Variants in TNS3 observed in about 807,000 individuals in gnomAD.
The protein encoded by TNS3 is tensin 3.
TNS3 carries 45 observed loss-of-function variants against 140.9 expected under a neutral mutation model. The ratio of observed to expected loss-of-function variants is 0.32; its 90% CI spans 0.25 to 0.41. The LOEUF (loss-of-function observed/expected upper bound fraction) is 0.41. Ranked by LOEUF, TNS3 falls within the 10% of genes least tolerant of loss-of-function variation. The pLI is 1.00. For missense variants in TNS3, 1,716 were observed against 1,906.7 expected, an observed-to-expected ratio of 0.90 and a Z score of 1.86; for synonymous variants, 815 against 788.4, an observed-to-expected ratio of 1.03 and a Z score of -0.56.
chr7:47,346,472 C>G, intron 17 of TNS3, 116 bp from the exon 18 acceptor site: 1 of 1,264,406 alleles, frequency 7.9e-7, no homozygotes, highest in South Asian at 1.4e-5. Context: ...ATCCTGGTCA[C>G]CACTGCTCTG....
At chr7:47,531,900 AGCTGCAGCCACCATCCACG>A (rs1353084566) in intron 1 of TNS3, among the ~76,000 whole-genome samples, 1 of 152,164 alleles carries the variant, frequency 6.6e-6, no homozygotes, top group African/African-American at 2.4e-5. Flanking sequence ...CCCGGGGTGC[AGCTGCAGCCACCATCCACG>A]GCTGCAGACC....
chr7:47,426,110 G>A (rs1337607216), intron 9 of TNS3, among the ~76,000 whole-genome samples: 1 of 151,886 alleles, frequency 6.6e-6, no homozygotes, highest in South Asian at 2.1e-4. Flanking sequence ...GTGAAACCAC[G>A]TCTCTACTAA....
At chr7:47,484,921 C>T (rs1230673016) in intron 3 of TNS3, among the ~76,000 whole-genome samples, 1 of 152,204 alleles carries the variant, frequency 6.6e-6, no homozygotes, top group Non-Finnish European at 1.5e-5. Flanking sequence ...GAAGCTAACA[C>T]TTCTTTAGCA....
At chr7:47,525,922 G>A (rs1209797671) in intron 2 of TNS3, among the ~76,000 whole-genome samples, 1 of 152,150 alleles carries the variant, frequency 6.6e-6, no homozygotes, top group Non-Finnish European at 1.5e-5. Flanking sequence ...GATCAATCTG[G>A]GGTCCTTCCC....
At chr7:47,532,437 A>T (rs1799442923) in intron 1 of TNS3, among the ~76,000 whole-genome samples, 6 of 152,098 alleles carry the variant, frequency 3.9e-5, no homozygotes, top group Admixed American at 3.9e-4. Context: ...GAGAGACCAC[A>T]AGAGACCAGC....
rs374557933 is a variant in TNS3 at position 47,280,240 on chromosome 7, T to C, written c.4166+46A>G. ...AGGTTAATTTTTTTAAACTAAAGGATAGAATTAAGTACACTCCTTGCTCAA... is the reference window on the plus strand; with the variant it reads ...AGGTTAATTTTTTTAAACTAAAGGACAGAATTAAGTACACTCCTTGCTCAA... On this transcript the variant is annotated intron_variant, in intron 29 of 30. Coordinates refer to ENST00000311160, the MANE Select transcript of TNS3 (RefSeq NM_022748.12). 40 of 1,613,902 alleles carry C rather than the reference T, an allele frequency of 2.5e-5. No homozygotes were observed. The Middle Eastern group carries it at 4.9e-4, about 20-fold the overall frequency.
At position 47,303,159 on chromosome 7, in the gene TNS3, G is replaced by A. The variant is rs1786512369; in HGVS notation, c.3248C>T (p.Pro1083Leu). 1.9e-6 allele frequency: 3 copies of A among 1,613,778 alleles called. No individual in the cohort carries two copies. The highest frequency in any genetic ancestry group is 3.3e-5 in the Admixed American group (2 of 60,010). The change falls in exon 22 of 31, where the codon CCA (proline) becomes CTA (leucine). Residue 1083 changes from proline to leucine, a missense_variant. This residue lies in a region of TNS3 where 1,163 missense variants were observed against 1,182.1 expected (regional missense o/e 0.98). Transcript: ENST00000311160. ...VAPGHSSHHS[P>L]GLQGQGVTLP... Reference sequence around the variant, plus strand: ...GGTCACACCCTGGCCCTGCAGGCCTGGACTGTGGTGGCTGCTGTGTCCAGG... The same window carrying A: ...GGTCACACCCTGGCCCTGCAGGCCTAGACTGTGGTGGCTGCTGTGTCCAGG...
At chr7:47,500,230 G>C (rs116857252) in intron 3 of TNS3, among the ~76,000 whole-genome samples, 1 of 152,148 alleles carries the variant, frequency 6.6e-6, no homozygotes, top group African/African-American at 2.4e-5. Context: ...GTCCAGCTCT[G>C]TGCACGGCCG....
intron 4 of TNS3, among the ~76,000 whole-genome samples, chr7:47,478,351 T>C (rs534745518): frequency 1.1e-4 from 17 of 152,042 alleles, no homozygotes; most frequent in African/African-American, 3.9e-4. Context: ...TCAAGGCAAG[T>C]TGAAAAGGCC....
At chr7:47,483,092 A>C (rs920112915) in intron 3 of TNS3, among the ~76,000 whole-genome samples, 1 of 152,206 alleles carries the variant, frequency 6.6e-6, no homozygotes, top group African/African-American at 2.4e-5. Context: ...GACTGTATCA[A>C]TATTGGCTAA....
intron 4 of TNS3, among the ~76,000 whole-genome samples, chr7:47,458,272 C>A (rs939392466): frequency 2.0e-5 from 3 of 152,240 alleles, no homozygotes; most frequent in African/African-American, 7.2e-5. Context: ...CCCACACACA[C>A]ACGCCATGGG....
At position 47,475,536 on chromosome 7, in the gene TNS3, G is replaced by C. The variant is rs867530715; in HGVS notation, c.-76+5567C>G. On this transcript the variant is annotated intron_variant, in intron 4 of 30. Transcript: ENST00000311160. ...CTGTAAACAGGCGGCACTTCCCCGGGGGGGGGGCCAGGCCCTCCCTGGACT... is the reference window on the plus strand; with the variant it reads ...CTGTAAACAGGCGGCACTTCCCCGGCGGGGGGGCCAGGCCCTCCCTGGACT... 8.5e-5 allele frequency among the ~76,000 whole-genome samples: 13 copies of C among 152,166 alleles called. 1 individual carries two copies. Among genetic ancestry groups the C allele is most frequent in the South Asian group, 8.3e-4 (4 of 4,824 alleles).
chr7:47,537,052 C>T (rs1799624893), intron 1 of TNS3, among the ~76,000 whole-genome samples: 2 of 151,886 alleles, frequency 1.3e-5, no homozygotes, highest in East Asian at 3.9e-4. Context: ...CCGGCGCGAC[C>T]GGGTTCCGCG....
At chr7:47,419,991 T>A (rs1490065334) in intron 10 of TNS3, among the ~76,000 whole-genome samples, 2 of 152,184 alleles carry the variant, frequency 1.3e-5, no homozygotes, top group Non-Finnish European at 2.9e-5. Context: ...TCTGCATGAA[T>A]TAAACTCTTT....
chr7:47,483,401 C>T (rs1337583538), intron 3 of TNS3, among the ~76,000 whole-genome samples: 6 of 152,236 alleles, frequency 3.9e-5, no homozygotes, highest in South Asian at 4.1e-4. Flanking sequence ...GATCTCCTGA[C>T]CTCATGATCC....
At chr7:47,493,313 C>T (rs1212046804) in intron 3 of TNS3, among the ~76,000 whole-genome samples, 2 of 152,062 alleles carry the variant, frequency 1.3e-5, no homozygotes, top group East Asian at 3.9e-4. Context: ...TCGGGGCACT[C>T]GGAGATGAGA....
At chr7:47,522,162 G>A (rs936330470) in intron 2 of TNS3, among the ~76,000 whole-genome samples, 1 of 152,174 alleles carries the variant, frequency 6.6e-6, no homozygotes, top group Non-Finnish European at 1.5e-5. Flanking sequence ...CATATCCCCC[G>A]CCTTCTCACA....
At position 47,479,505 on chromosome 7, in the gene TNS3, G is replaced by A. The variant is rs550477978; in HGVS notation, c.-76+1598C>T. ...ACTCCCCCACCCCCCCGTCGGCGGT[G>A]AGTGCCACAGGAGGAATGGAGTGAG... On this transcript the variant is annotated intron_variant, in intron 4 of 30. Transcript: ENST00000311160. Among the ~76,000 whole-genome samples, 472 of 150,648 alleles carry A rather than the reference G, an allele frequency of 3.1e-3. 3 individuals carry two copies. The highest frequency in any genetic ancestry group is 0.011 in the African/African-American group (445 of 40,944).
intron 1 of TNS3, among the ~76,000 whole-genome samples, chr7:47,580,468 G>C (rs978554861): frequency 6.6e-6 from 1 of 152,088 alleles, no homozygotes; most frequent in African/African-American, 2.4e-5. Flanking sequence ...CAGGAGTCGG[G>C]CTTGCTGCCA....
Sources: gnomAD v4.1 joint callset for allele counts (sites outside exome capture counted in the v4.1 genomes callset) on GRCh38, gnomAD v4.1.1 for gene constraint, gnomAD v4.1.1 regional missense constraint, MANE v1.5 for transcripts, NCBI Gene and HGNC (gene_info 2026-07-23, HGNC 2026-07-21) for gene names.